Variants in CD28 observed in about 807,000 individuals in gnomAD.
CD28 encodes T-cell-specific surface glycoprotein CD28.
In CD28, 8 loss-of-function variants were observed where a neutral mutation model predicts 21.4. The ratio of observed to expected loss-of-function variants is 0.37; its 90% CI spans 0.22 to 0.68. The LOEUF (loss-of-function observed/expected upper bound fraction) is 0.68, where lower values mean the gene tolerates loss of function less well. Ranked by LOEUF, CD28 falls within the 30% of genes least tolerant of loss-of-function variation. The probability of loss-of-function intolerance (pLI) is 0.55; values close to 1 mark genes in which losing one functional copy is unlikely to be tolerated. For missense variants in CD28, 239 were observed against 272.2 expected (o/e 0.88, Z 0.86); for synonymous variants, 106 against 104.0 (o/e 1.02, Z -0.12).
chr2:203,713,938 A>G (rs1010867739), intron 1 of CD28, among the ~76,000 whole-genome samples: 1 of 150,018 alleles, frequency 6.7e-6, no homozygotes, highest in African/African-American at 2.5e-5. Context: ...AGAGAAGGGT[A>G]TTATTAGGAA....
At chr2:203,717,613 T>C (rs1312251754) in intron 1 of CD28, among the ~76,000 whole-genome samples, 1 of 152,238 alleles carries the variant, frequency 6.6e-6, no homozygotes, top group Non-Finnish European at 1.5e-5. Context: ...AGACAACATA[T>C]AGTTGGCCCA....
rs550505981 is a variant in CD28 at position 203,738,731 on chromosome 2, C to T, written c.*3819C>T. ...TCCCCTAGTTAAACTACCCCACACC[C>T]TGTCTGCTTTCCTTGCTTATTTTTC... On this transcript the variant is annotated 3_prime_UTR_variant, in exon 4 of 4. Transcript: ENST00000324106. 1 of 152,320 alleles carries T rather than the reference C, an allele frequency of 6.6e-6. No homozygotes were observed. Among genetic ancestry groups the T allele is most frequent in the East Asian group, 1.9e-4 (1 of 5,190 alleles). 9.4% of individuals were successfully genotyped at this position (152,320 alleles called of 1,614,324 possible).
At chr2:203,722,114 G>A (rs1408624680) in intron 1 of CD28, among the ~76,000 whole-genome samples, 2 of 152,124 alleles carry the variant, frequency 1.3e-5, no homozygotes, top group African/African-American at 4.8e-5. Context: ...AGATCAGGAA[G>A]AATTTGAATG....
intron 3 of CD28, among the ~76,000 whole-genome samples, chr2:203,734,107 A>G (rs554900430): frequency 1.6e-4 from 25 of 152,352 alleles, no homozygotes; most frequent in Non-Finnish European, 2.8e-4. Flanking sequence ...GAATTTTACT[A>G]TCACATTGAT....
intron 1 of CD28, among the ~76,000 whole-genome samples, chr2:203,707,342 G>A (rs372677830): frequency 6.6e-6 from 1 of 152,008 alleles, no homozygotes; most frequent in East Asian, 1.9e-4. Flanking sequence ...TAACTGTAAA[G>A]TGGGAATAAT....
At chr2:203,734,581 T>C in intron 3 of CD28, among the ~76,000 whole-genome samples, 1 of 152,216 alleles carries the variant, frequency 6.6e-6, no homozygotes, top group East Asian at 1.9e-4. Context: ...TCTAAAATAC[T>C]TTCTTTGAGA....
In CD28 at chr2:203,721,666, C is replaced by T. The variant is rs191712484; in HGVS notation, c.53-4967C>T. On this transcript the variant is annotated intron_variant, in intron 1 of 3. Transcript: ENST00000324106. ...ATACTCCTTCAGGACTCAGGTCAGC[C>T]GTCATCTCCTGAGATCCTTAGCTGG... Among the ~76,000 whole-genome samples the T allele has an allele frequency of 8.5e-5, 13 of 152,236 alleles. No homozygotes were observed. The East Asian group carries it at 1.5e-3, about 18-fold the overall frequency.
chr2:203,725,658 A>G (rs1693723597), intron 1 of CD28, among the ~76,000 whole-genome samples: 1 of 152,198 alleles, frequency 6.6e-6, no homozygotes, highest in South Asian at 2.1e-4. Flanking sequence ...TTGGGATAGC[A>G]GTAAAGGTAG....
chr2:203,718,027 A>G (rs919827756), intron 1 of CD28, among the ~76,000 whole-genome samples: 2 of 152,158 alleles, frequency 1.3e-5, no homozygotes, highest in Admixed American at 6.5e-5. Context: ...GGCTGGGTCC[A>G]TTCAAAGCAT....
chr2:203,723,518 C>G (rs988671841), intron 1 of CD28, among the ~76,000 whole-genome samples: 3 of 151,374 alleles, frequency 2.0e-5, no homozygotes, highest in Non-Finnish European at 2.9e-5. Flanking sequence ...AAAATGCATA[C>G]AGAACTCCAA....
chr2:203,727,899 G>C (rs969181968), intron 2 of CD28, among the ~76,000 whole-genome samples: 13 of 152,008 alleles, frequency 8.6e-5, no homozygotes, highest in Non-Finnish European at 1.5e-4. Flanking sequence ...GGATGGTCTC[G>C]ATTTCCTGAC....
In CD28 at chr2:203,730,486, C is replaced by T. The variant is rs181877960; in HGVS notation, c.534+714C>T. 4.6e-3 allele frequency among the ~76,000 whole-genome samples: 706 copies of T among 152,270 alleles called. 17 individuals are homozygous for T. Among genetic ancestry groups the T allele is most frequent in the East Asian group, 5.8e-3 (30 of 5,182 alleles). On this transcript the variant is annotated intron_variant, in intron 3 of 3. Coordinates refer to ENST00000324106, the MANE Select transcript of CD28 (RefSeq NM_006139.4). ...GAACGCACCTACAGTTAAGAACGTA[C>T]CCCTGAGTGACCCTTGTTCTTACTC...
At chr2:203,721,463 T>G (rs1008895910) in intron 1 of CD28, among the ~76,000 whole-genome samples, 1 of 152,024 alleles carries the variant, frequency 6.6e-6, no homozygotes, top group African/African-American at 2.4e-5. Flanking sequence ...ACTCTTACCC[T>G]CCTCATCTCC....
At chr2:203,733,423 TA>T (rs201945254) in intron 3 of CD28, among the ~76,000 whole-genome samples, 30 of 148,978 alleles carry the variant, frequency 2.0e-4, no homozygotes, top group East Asian at 5.9e-4. Context: ...GAAACACTGG[TA>T]AAAAAAAAAC....
At chr2:203,732,652 A>G (rs540810605) in intron 3 of CD28, among the ~76,000 whole-genome samples, 1 of 152,326 alleles carries the variant, frequency 6.6e-6, no homozygotes, top group Admixed American at 6.5e-5. Flanking sequence ...CAGAAATTAC[A>G]TATCATTAGC....
chr2:203,725,033 G>A (rs1210543451), intron 1 of CD28, among the ~76,000 whole-genome samples: 1 of 152,170 alleles, frequency 6.6e-6, no homozygotes, highest in Non-Finnish European at 1.5e-5. Flanking sequence ...GCTCACACCT[G>A]TAATCCCAGC....
intron 1 of CD28, among the ~76,000 whole-genome samples, chr2:203,715,382 A>G (rs1693437625): frequency 6.6e-6 from 1 of 152,074 alleles, no homozygotes. Context: ...ATGTAAGTTA[A>G]GGTGCTCTTG....
chr2:203,718,615 A>G (rs1390707692), intron 1 of CD28, among the ~76,000 whole-genome samples: 4 of 152,244 alleles, frequency 2.6e-5, no homozygotes, highest in Non-Finnish European at 5.9e-5. Context: ...GATGTGCATA[A>G]ATGGAACCTG....
chr2:203,723,451 C>A (rs1018663393), intron 1 of CD28, among the ~76,000 whole-genome samples: 4 of 151,228 alleles, frequency 2.6e-5, no homozygotes, highest in South Asian at 4.2e-4. Flanking sequence ...CATGCCACTG[C>A]ACTCCAGCCT....
Sources: allele counts gnomAD v4.1 joint callset (sites outside exome capture counted in the v4.1 genomes callset), GRCh38; gene constraint gnomAD v4.1.1; transcripts MANE v1.5; gene names NCBI Gene and HGNC (gene_info 2026-07-23, HGNC 2026-07-21).